The following HUWE1 variants were observed in gnomAD, a reference collection of about 807,000 sequenced individuals.
The protein encoded by HUWE1 is E3 ubiquitin-protein ligase HUWE1.
HUWE1 carries 18 observed loss-of-function variants against 299.4 expected under a neutral mutation model. The ratio of observed to expected loss-of-function variants is 0.06; its 90% CI spans 0.04 to 0.09. HUWE1 has a LOEUF of 0.09. Among genes scored for constraint, HUWE1 ranks in the 10% least tolerant of loss-of-function variants. The pLI is 1.00. For missense variants in HUWE1, 1,832 were observed against 3,462.3 expected (o/e 0.53, Z 11.82); for synonymous variants, 1,317 against 1,286.1 (o/e 1.02, Z -0.51).
chrX:53,682,701 G>A (rs782042770), intron 2 of HUWE1, among the ~76,000 whole-genome samples: 3 of 111,093 alleles, frequency 2.7e-5, no homozygotes, highest in Non-Finnish European at 5.7e-5. Flanking sequence ...CAGGTAAGAG[G>A]TGCTCAGCAG....
chrX:53,684,179 C>G (rs1315793783), intron 2 of HUWE1: 2 of 244,758 alleles, frequency 8.2e-6, no homozygotes, highest in Admixed American at 6.8e-5. Context: ...AGCCAACCTA[C>G]CACGGCCGGC....
At chrX:53,551,612 G>A (rs1237474488) in intron 63 of HUWE1, 132 bp from the exon 64 acceptor site, 3 of 568,193 alleles carry the variant, frequency 5.3e-6, no homozygotes, top group Non-Finnish European at 8.8e-6. Flanking sequence ...TCCTGGGCTC[G>A]AGTCTTCCTG....
At chrX:53,677,806 T>C (rs1557051692) in intron 3 of HUWE1, among the ~76,000 whole-genome samples, 1 of 111,489 alleles carries the variant, frequency 9.0e-6, no homozygotes, top group African/African-American at 3.3e-5. Flanking sequence ...AAACCTGGAT[T>C]GTGCTAAAGG....
At chrX:53,569,398 T>G (rs1199279368) in intron 48 of HUWE1, among the ~76,000 whole-genome samples, 1 of 112,731 alleles carries the variant, frequency 8.9e-6, no homozygotes, top group Non-Finnish European at 1.9e-5. Flanking sequence ...AAAAGTACAC[T>G]TAACATTTCC....
chrX:53,678,686 T>C (rs2069958509), intron 3 of HUWE1, among the ~76,000 whole-genome samples: 1 of 112,182 alleles, frequency 8.9e-6, no homozygotes, highest in African/African-American at 3.2e-5. Flanking sequence ...CAGGAACTCA[T>C]TATTAGGTCT....
chrX:53,550,123 G>A (rs781913702), intron 66 of HUWE1, among the ~76,000 whole-genome samples: 1 of 111,225 alleles, frequency 9.0e-6, no homozygotes, highest in Admixed American at 9.6e-5. Flanking sequence ...ACATCACACG[G>A]CGACTGAGAA....
intron 16 of HUWE1, 32 bp downstream of exon 16, chrX:53,627,707 T>C (rs782642445): frequency 8.6e-7 from 1 of 1,158,928 alleles, no homozygotes; most frequent in South Asian, 1.8e-5. Context: ...GAGTATTAAA[T>C]TCTGTGCAAA....
intron 17 of HUWE1, among the ~76,000 whole-genome samples, chrX:53,626,623 A>G (rs1557017988): frequency 8.9e-6 from 1 of 112,063 alleles, no homozygotes. Context: ...GTAAGTGAGC[A>G]TTCATTTTTA....
At chrX:53,557,888 G>C (rs782212385) in intron 59 of HUWE1, among the ~76,000 whole-genome samples, 16 of 111,690 alleles carry the variant, frequency 1.4e-4, no homozygotes, top group Non-Finnish European at 2.8e-4. Flanking sequence ...ATATTTGTTA[G>C]ATCAACCTTG....
rs2067976974 is a variant in HUWE1 at position 53,645,739 on chromosome X, ATATATATATATAT to A, written c.352-289_352-277del. On this transcript the variant is annotated intron_variant, in intron 6 of 83. Coordinates refer to ENST00000262854, the MANE Select transcript of HUWE1 (RefSeq NM_031407.7). ...AAAAAAGAAAAAAAAAAAAAAAAAT[ATATATATATATAT>A]ATATATATATATATATATATATATG... Among the ~76,000 whole-genome samples, 41 of 19,937 alleles carry A rather than the reference ATATATATATATAT, an allele frequency of 2.1e-3. 2 individuals carry two copies. The highest frequency in any genetic ancestry group is 0.062 in the Middle Eastern group (1 of 16). 17.3% of individuals were successfully genotyped at this position (19,937 alleles called of 115,157 possible).
chrX:53,620,966 C>A (rs1179371456), intron 19 of HUWE1, among the ~76,000 whole-genome samples: 1 of 111,534 alleles, frequency 9.0e-6, no homozygotes, highest in Non-Finnish European at 1.9e-5. Context: ...ACTGGAGATC[C>A]CTCTTCATAG....
At chrX:53,639,240 C>T (rs1255563572) in intron 7 of HUWE1, among the ~76,000 whole-genome samples, 2 of 111,939 alleles carry the variant, frequency 1.8e-5, no homozygotes, top group Non-Finnish European at 3.8e-5. Context: ...CATAAAGATG[C>T]TCAAAATCAT....
At chrX:53,631,146 G>A (rs2066850320) in intron 11 of HUWE1, 112 bp from the exon 12 acceptor site, 12 of 542,037 alleles carry the variant, frequency 2.2e-5, no homozygotes, top group Middle Eastern at 5.2e-4. Flanking sequence ...TTTGATATCC[G>A]AAGTGTTCAG....
At chrX:53,570,360 T>G (rs1355940206) in intron 47 of HUWE1, among the ~76,000 whole-genome samples, 2 of 112,966 alleles carry the variant, frequency 1.8e-5, no homozygotes, top group Non-Finnish European at 3.7e-5. Flanking sequence ...ATTTTCTCAT[T>G]TGATAAGCGG....
At chrX:53,552,964 G>A (rs1202622925) in intron 61 of HUWE1, 71 bp from the exon 62 acceptor site, 1 of 1,112,607 alleles carries the variant, frequency 9.0e-7, no homozygotes, top group African/African-American at 1.8e-5. Flanking sequence ...TAAGGTCTTT[G>A]ATAGGGCTGC....
intron 16 of HUWE1, 78 bp from the exon 17 acceptor site, chrX:53,627,593 T>C: frequency 1.3e-6 from 1 of 762,125 alleles, no homozygotes; most frequent in Non-Finnish European, 1.9e-6. Context: ...AAAACTATTA[T>C]AATGGAAAAA....
chrX:53,655,137 T>C (rs1471016074), intron 3 of HUWE1, among the ~76,000 whole-genome samples: 2 of 111,098 alleles, frequency 1.8e-5, no homozygotes, highest in Non-Finnish European at 3.8e-5. Context: ...CTAAGACACA[T>C]GCACAGAGGT....
Position 53,554,925 on chromosome X carries a change from C to G in HUWE1, c.8207-5G>C. ...TGTCAGGCATAGGCGTCCCATCTTT[C>G]TCGGAAAGAACAATAATAGTGGTTA... On this transcript the variant is annotated splice_polypyrimidine_tract_variant and splice_region_variant and intron_variant, in intron 60 of 83. Coordinates refer to ENST00000262854, the MANE Select transcript of HUWE1 (RefSeq NM_031407.7). The G allele has an allele frequency of 8.6e-7, 1 of 1,160,431 alleles. No individual in the cohort carries two copies.
chrX:53,567,461 C>G (rs1192498563), intron 49 of HUWE1, among the ~76,000 whole-genome samples: 1 of 111,144 alleles, frequency 9.0e-6, no homozygotes, highest in Non-Finnish European at 1.9e-5. Flanking sequence ...CATGAAAAGT[C>G]GAGTCCATAA....
Sources: gnomAD v4.1 joint callset for allele counts (sites outside exome capture counted in the v4.1 genomes callset) on GRCh38, gnomAD v4.1.1 for gene constraint, MANE v1.5 for transcripts, NCBI Gene and HGNC (gene_info 2026-07-23, HGNC 2026-07-21) for gene names.